Variants in OTOGL observed in about 807,000 individuals in gnomAD.
OTOGL encodes otogelin like, also known as otogelin-like protein.
A neutral mutation model predicts 318.5 loss-of-function variants in OTOGL; 285 were observed. That is an observed-to-expected ratio of 0.89 (90% CI 0.81 to 0.99). OTOGL has a LOEUF of 0.99. OTOGL is among the 50% of genes least tolerant of loss of function. The probability of loss-of-function intolerance (pLI) is 0.00; values close to 1 mark genes in which losing one functional copy is unlikely to be tolerated. For missense variants in OTOGL, 2,899 were observed against 2,845.6 expected, an observed-to-expected ratio of 1.02 and a Z score of -0.43; for synonymous variants, 987 against 936.5, an observed-to-expected ratio of 1.05 and a Z score of -0.99.
intron 26 of OTOGL, among the ~76,000 whole-genome samples, chr12:80,286,297 G>T (rs185332211): frequency 1.3e-5 from 2 of 152,074 alleles, no homozygotes; most frequent in Non-Finnish European, 2.9e-5. Flanking sequence ...GAGGATTTTC[G>T]CATTGATGTA....
At chr12:80,265,391 G>A in intron 20 of OTOGL, 181 bp downstream of exon 20, 2 of 690,128 alleles carry the variant, frequency 2.9e-6, no homozygotes, top group South Asian at 2.1e-5. Context: ...GAGATATGTT[G>A]GATAAGACCA....
intron 1 of OTOGL, among the ~76,000 whole-genome samples, chr12:80,144,060 T>C (rs1872142458): frequency 6.6e-6 from 1 of 151,094 alleles, no homozygotes; most frequent in Non-Finnish European, 1.5e-5. Context: ...TTTTTTTTTT[T>C]CTTTTATTAT....
At chr12:80,104,695 T>A (rs73355068) in intron 1 of OTOGL, among the ~76,000 whole-genome samples, 4,630 of 152,222 alleles carry the variant, frequency 0.03, 241 homozygotes, top group African/African-American at 0.1. Flanking sequence ...TTATTGTAGG[T>A]ATCTATAGAT....
chr12:80,221,212 A>G (rs1261695086), intron 6 of OTOGL, among the ~76,000 whole-genome samples: 3 of 152,198 alleles, frequency 2.0e-5, no homozygotes, highest in African/African-American at 7.2e-5. Context: ...ATTTAAGATA[A>G]ATATTGCTTG....
intron 11 of OTOGL, among the ~76,000 whole-genome samples, chr12:80,242,464 C>T (rs1880464338): frequency 6.6e-6 from 1 of 152,026 alleles, no homozygotes; most frequent in African/African-American, 2.4e-5. Flanking sequence ...CCTTTCACTC[C>T]CCTCAATATT....
At chr12:80,296,712 T>C (rs1333338421) in intron 26 of OTOGL, 115 bp from the exon 27 acceptor site, 2 of 613,932 alleles carry the variant, frequency 3.3e-6, no homozygotes, top group Admixed American at 8.3e-5. Flanking sequence ...AGAGGTAAGT[T>C]GTTTTTCAGT....
intron 1 of OTOGL, among the ~76,000 whole-genome samples, chr12:80,199,111 C>T (rs1876288156): frequency 6.6e-6 from 1 of 152,160 alleles, no homozygotes; most frequent in African/African-American, 2.4e-5. Context: ...GGATGAAGTT[C>T]AAAATCTTAC....
intron 1 of OTOGL, among the ~76,000 whole-genome samples, chr12:80,133,309 T>C (rs1871349137): frequency 6.6e-6 from 1 of 152,116 alleles, no homozygotes; most frequent in African/African-American, 2.4e-5. Context: ...TCTAAATAAA[T>C]GAACTATTAT....
intron 44 of OTOGL, among the ~76,000 whole-genome samples, chr12:80,343,087 G>A (rs752228443): frequency 2.6e-5 from 4 of 152,116 alleles, no homozygotes; most frequent in Non-Finnish European, 4.4e-5. Flanking sequence ...TGTTAGCCAG[G>A]ATGGTCTCGA....
intron 43 of OTOGL, 26 bp from the exon 44 acceptor site, chr12:80,341,922 T>A (rs1207149899): frequency 1.3e-6 from 2 of 1,512,056 alleles, no homozygotes; most frequent in Admixed American, 1.9e-5. Flanking sequence ...AGTTTTTTTC[T>A]TCTAACTGTC....
At chr12:80,297,819 A>G (rs1445363412) in intron 27 of OTOGL, among the ~76,000 whole-genome samples, 1 of 152,134 alleles carries the variant, frequency 6.6e-6, no homozygotes, top group Non-Finnish European at 1.5e-5. Flanking sequence ...TTAGTCCTTC[A>G]TTACTATTAT....
chr12:80,268,000 G>C (rs1053678297), intron 22 of OTOGL, among the ~76,000 whole-genome samples: 1 of 151,536 alleles, frequency 6.6e-6, no homozygotes, highest in Non-Finnish European at 1.5e-5. Flanking sequence ...AAATAGATTT[G>C]AAAAATGTCC....
In OTOGL at chr12:80,340,335, A is replaced by C. The variant is rs141936396; in HGVS notation, c.5050+1071A>C. 3.3e-4 allele frequency among the ~76,000 whole-genome samples: 51 copies of C among 152,288 alleles called. No homozygotes were observed. In the East Asian group the frequency reaches 8.9e-3, roughly 26 times the overall value. On this transcript the variant is annotated intron_variant, in intron 43 of 58. Transcript: ENST00000547103. ...TCATGGTTCCTCACTTGTTTAGAGT[A>C]TGCTAAACATAGCATAAATTTCTAT...
chr12:80,108,414 C>T (rs1445770626), intron 1 of OTOGL, among the ~76,000 whole-genome samples: 2 of 151,926 alleles, frequency 1.3e-5, no homozygotes, highest in African/African-American at 4.8e-5. Flanking sequence ...ACAAACGATG[C>T]TAAGCACTTG....
Position 80,377,926 on chromosome 12 carries a change from T to A in OTOGL, c.6940T>A (p.Cys2314Ser), listed in dbSNP as rs1198323785. ...NINIESHLRFCKCCRENGVRN... is the reference protein window; with the variant it reads ...NINIESHLRFSKCCRENGVRN... The stretch of plus-strand genomic sequence containing the variant: ...CAATATTGAAAGTCACCTAAGATTC[T>A]GCAAGTGTTGTCGTGAAAATGGAGT... Residue 2314 changes from cysteine to serine, a missense_variant, in exon 59 of 59, where the codon TGC becomes AGC. By Grantham distance (112) the Cys-to-Ser change is moderately radical. Coordinates refer to ENST00000547103, the MANE Select transcript of OTOGL (RefSeq NM_001378609.3). 1 of 1,610,860 alleles carries A rather than the reference T, an allele frequency of 6.2e-7. No homozygotes were observed. The highest frequency in any genetic ancestry group is 8.5e-7 in the Non-Finnish European group (1 of 1,178,204).
chr12:80,312,423 C>T (rs1040555957), intron 30 of OTOGL, among the ~76,000 whole-genome samples: 5 of 152,090 alleles, frequency 3.3e-5, no homozygotes, highest in Non-Finnish European at 2.9e-5. Context: ...TTCATGTAAA[C>T]ATATAGGGTT....
chr12:80,294,047 T>C (rs1885221354), intron 26 of OTOGL, among the ~76,000 whole-genome samples: 1 of 152,152 alleles, frequency 6.6e-6, no homozygotes, highest in Admixed American at 6.6e-5. Flanking sequence ...AAGCTTTTAG[T>C]ACCTGAGAAT....
At chr12:80,117,382 A>G (rs550452436) in intron 1 of OTOGL, among the ~76,000 whole-genome samples, 1 of 152,194 alleles carries the variant, frequency 6.6e-6, no homozygotes. Context: ...TAAGTTAGAG[A>G]CCTTGTAGTA....
intron 24 of OTOGL, among the ~76,000 whole-genome samples, chr12:80,274,483 T>C (rs763166018): frequency 8.6e-4 from 130 of 151,968 alleles, no homozygotes; most frequent in Non-Finnish European, 1.1e-3. Flanking sequence ...CCAGCAGAGG[T>C]TGGCTTATGG....
Sources: allele counts gnomAD v4.1 joint callset (sites outside exome capture counted in the v4.1 genomes callset), GRCh38; gene constraint gnomAD v4.1.1; transcripts MANE v1.5; gene names NCBI Gene and HGNC (gene_info 2026-07-23, HGNC 2026-07-21).